The following MEGF9 variants were observed in gnomAD, a reference collection of about 807,000 sequenced individuals.
The protein encoded by MEGF9 is multiple epidermal growth factor-like domains protein 9.
A neutral mutation model predicts 46.8 loss-of-function variants in MEGF9; 6 were observed. That is an observed-to-expected ratio of 0.13 (90% CI 0.07 to 0.25). The LOEUF is 0.25. MEGF9 is among the 10% of genes least tolerant of loss of function. MEGF9 has a pLI of 1.00. For missense variants in MEGF9, 683 were observed against 792.4 expected (o/e 0.86, Z 1.66); for synonymous variants, 302 against 330.7 (o/e 0.91, Z 0.94).
chr9:120,608,743 C>A (rs531346848), intron 4 of MEGF9, among the ~76,000 whole-genome samples: 1 of 152,306 alleles, frequency 6.6e-6, no homozygotes, highest in East Asian at 1.9e-4. Flanking sequence ...CTCCAATGTT[C>A]CCTAGATCTC....
At chr9:120,695,603 CAAAAA>C (rs370281228) in intron 1 of MEGF9, among the ~76,000 whole-genome samples, 7 of 18,686 alleles carry the variant, frequency 3.7e-4, no homozygotes, top group African/African-American at 7.3e-4. Flanking sequence ...GACCCCATCT[CAAAAA>C]AAAAAAAAAA....
At chr9:120,645,627 G>A (rs1303693144) in intron 2 of MEGF9, among the ~76,000 whole-genome samples, 1 of 152,152 alleles carries the variant, frequency 6.6e-6, no homozygotes, top group Non-Finnish European at 1.5e-5. Flanking sequence ...CAAGAGGAGA[G>A]AGTACTTGAC....
chr9:120,614,100 CT>C (rs779948289), intron 3 of MEGF9, among the ~76,000 whole-genome samples: 1 of 151,872 alleles, frequency 6.6e-6, no homozygotes, highest in Non-Finnish European at 1.5e-5. Context: ...TCACCACTCA[CT>C]GCAACCTCCA....
chr9:120,638,929 G>A (rs2043590438), intron 2 of MEGF9, among the ~76,000 whole-genome samples: 1 of 152,206 alleles, frequency 6.6e-6, no homozygotes, highest in Non-Finnish European at 1.5e-5. Flanking sequence ...CAAGCCTTCT[G>A]CCTCAGTATC....
chr9:120,634,446 CTTTTTTTT>C lies in MEGF9; in HGVS notation c.804-11699_804-11692del, dbSNP rs1158273579. Among the ~76,000 whole-genome samples the C allele has an allele frequency of 1.8e-3, 83 of 46,930 alleles. 2 individuals carry two copies. In the East Asian group the frequency reaches 0.021, roughly 12 times the overall value. 30.8% of individuals were successfully genotyped at this position (46,930 alleles called of 152,430 possible). ...TTTGGTTTCCATATGTGTGGAATAT[CTTTTTTTT>C]TTTTTTTTTTTTTTTTTTTTGAGAC... On this transcript the variant is annotated intron_variant, in intron 2 of 5. Transcript: ENST00000373930.
chr9:120,617,873 G>T (rs2043479134), intron 3 of MEGF9, among the ~76,000 whole-genome samples: 1 of 152,186 alleles, frequency 6.6e-6, no homozygotes, highest in African/African-American at 2.4e-5. Context: ...TGATGAGCTG[G>T]ATATTTGCAG....
chr9:120,608,838 C>T (rs571260392), intron 4 of MEGF9, among the ~76,000 whole-genome samples: 1 of 152,304 alleles, frequency 6.6e-6, no homozygotes, highest in Admixed American at 6.5e-5. Context: ...TATGTCCCTT[C>T]TAAGCAGTTA....
At chr9:120,702,056 A>T (rs569656097) in intron 1 of MEGF9, among the ~76,000 whole-genome samples, 6 of 152,026 alleles carry the variant, frequency 3.9e-5, no homozygotes, top group Admixed American at 6.5e-5. Flanking sequence ...AAAAAAAAAT[A>T]AAAAATTAAT....
At chr9:120,675,658 G>C (rs927357034) in intron 1 of MEGF9, among the ~76,000 whole-genome samples, 7 of 151,734 alleles carry the variant, frequency 4.6e-5, no homozygotes, top group African/African-American at 9.7e-5. Flanking sequence ...GGAGGCCGAG[G>C]GGGGTGGATC....
chr9:120,611,867 GAGAGAGAGAGAGAGA>G (rs2043448496), intron 4 of MEGF9, among the ~76,000 whole-genome samples: 2 of 138,952 alleles, frequency 1.4e-5, no homozygotes, highest in African/African-American at 6.5e-5. Flanking sequence ...AAGGAAGAAA[GAGAGAGAGAGAGAGA>G]GAGAAAGAAA....
At chr9:120,687,782 TAA>T (rs74313276) in intron 1 of MEGF9, among the ~76,000 whole-genome samples, 3,293 of 80,836 alleles carry the variant, frequency 0.041, 133 homozygotes, top group African/African-American at 0.13. Flanking sequence ...GAAAAAGAGA[TAA>T]AAAAAAAAAA....
intron 3 of MEGF9, among the ~76,000 whole-genome samples, chr9:120,614,972 GCT>G (rs1162549589): frequency 6.6e-6 from 1 of 151,754 alleles, no homozygotes; most frequent in Non-Finnish European, 1.5e-5. Flanking sequence ...AGGCATGGTG[GCT>G]CACGCCTGTA....
chr9:120,651,783 G>T (rs1312928904), intron 2 of MEGF9, among the ~76,000 whole-genome samples: 2 of 151,220 alleles, frequency 1.3e-5, no homozygotes, highest in African/African-American at 4.9e-5. Flanking sequence ...CTCCTGTGTA[G>T]CTGGGATTAC....
chr9:120,701,631 G>T (rs768689559), intron 1 of MEGF9, among the ~76,000 whole-genome samples: 7 of 152,118 alleles, frequency 4.6e-5, no homozygotes, highest in Admixed American at 3.3e-4. Context: ...CTTTAAAGAA[G>T]AAATAATCAA....
chr9:120,708,620 T>C (rs1564432654), intron 1 of MEGF9, among the ~76,000 whole-genome samples: 1 of 152,238 alleles, frequency 6.6e-6, no homozygotes, highest in African/African-American at 2.4e-5. Context: ...TCTAAATTAT[T>C]ATCCTTTATC....
At chr9:120,623,703 C>G (rs1029596322) in intron 2 of MEGF9, among the ~76,000 whole-genome samples, 11 of 152,076 alleles carry the variant, frequency 7.2e-5, no homozygotes, top group African/African-American at 2.7e-4. Context: ...ACTTAAAGAT[C>G]TAGCAAAGAA....
chr9:120,610,579 C>A (rs2043440279), intron 4 of MEGF9, among the ~76,000 whole-genome samples: 1 of 152,180 alleles, frequency 6.6e-6, no homozygotes, highest in South Asian at 2.1e-4. Flanking sequence ...TGCAGACTCC[C>A]ATCACGAGAC....
intron 5 of MEGF9, among the ~76,000 whole-genome samples, chr9:120,607,129 C>G (rs911333266): frequency 1.3e-5 from 2 of 152,196 alleles, no homozygotes; most frequent in African/African-American, 2.4e-5. Flanking sequence ...GTTTGTAGAA[C>G]AGCATGGTCC....
intron 1 of MEGF9, among the ~76,000 whole-genome samples, chr9:120,677,584 T>C (rs1466982566): frequency 6.6e-6 from 1 of 152,214 alleles, no homozygotes; most frequent in African/African-American, 2.4e-5. Flanking sequence ...CACCTTAACA[T>C]ACTGTTCAAA....
Sources: allele counts gnomAD v4.1 joint callset (sites outside exome capture counted in the v4.1 genomes callset), GRCh38; gene constraint gnomAD v4.1.1; transcripts MANE v1.5; gene names NCBI Gene and HGNC (gene_info 2026-07-23, HGNC 2026-07-21).